The following RPTN variants were observed in gnomAD, a reference collection of about 807,000 sequenced individuals.
The protein encoded by RPTN is repetin, also known as intermediate filament-associated protein.
Under a neutral mutation model 3.6 loss-of-function variants are expected in RPTN, and 4 were observed. That is an observed-to-expected ratio of 1.12 (90% CI 0.55 to 2.55). The LOEUF (loss-of-function observed/expected upper bound fraction) is 2.55, where lower values mean the gene tolerates loss of function less well. Ranked by LOEUF, RPTN falls within the 30% of genes most tolerant of loss-of-function variation. The probability of loss-of-function intolerance (pLI) is 0.02; values close to 1 mark genes in which losing one functional copy is unlikely to be tolerated. For synonymous variants in RPTN, 293 were observed against 319.3 expected (o/e 0.92, Z 0.88); for missense variants, 860 against 916.7 (o/e 0.94, Z 0.80).
chr1:152,155,414 G>C lies in RPTN; in HGVS notation c.1685C>G (p.Thr562Arg), dbSNP rs764063744. 1.9e-6 allele frequency: 3 copies of C among 1,613,812 alleles called. No individual in the cohort carries two copies. Among genetic ancestry groups the C allele is most frequent in the South Asian group, 1.1e-5 (1 of 91,032 alleles). The change falls in exon 3 of 3, where the codon ACA (threonine) becomes AGA (arginine). Residue 562 changes from threonine (T) to arginine (R), a missense_variant. Thr to Arg is a moderately conservative substitution (Grantham distance 71). Transcript: ENST00000316073. The part of the protein sequence containing the change: ...RQGQSSHYGQ[T>R]DRQGQSYHYG... ...ATGATAGCTCTGGCCTTGTCTGTCT[G>C]TCTGACCGTAGTGGGAACTCTGGCC...
In RPTN at chr1:152,155,355, G is replaced by A; in HGVS notation, c.1744C>T (p.His582Tyr). ...TCCCCAGTCTGTGATTGAATATAGT[G>A]GGAACTCTGGCCTTGTCTGTCTGTC... is the stretch of plus-strand genomic sequence containing the variant. ...GQTDRQGQSS[H>Y]YIQSQTGEIQ... The change falls in exon 3 of 3, where the codon CAC becomes TAC. Residue 582 changes from histidine to tyrosine, a missense_variant. Physicochemically the swap from His to Tyr is moderately conservative, Grantham distance 83. Transcript: ENST00000316073. The A allele has an allele frequency of 6.2e-7, 1 of 1,614,152 alleles. No individual in the cohort carries two copies.
Position 152,155,963 on chromosome 1 carries a change from T to C in RPTN, c.1136A>G (p.Tyr379Cys), listed in dbSNP as rs1265941012. ...CTGATCTTGTGTGTCTGGCTGACCA[T>C]AGTGGGAACTCTGACCTTGTCTGTT... Reference protein sequence around the residue: ...QPNRQGQSSHYGQPDTQDQSS... With the variant: ...QPNRQGQSSHCGQPDTQDQSS... The change falls in exon 3 of 3, where the codon TAT becomes TGT. Residue 379 changes from tyrosine to cysteine, a missense_variant. Coordinates refer to ENST00000316073, the MANE Select transcript of RPTN (RefSeq NM_001122965.1). 1.9e-6 allele frequency: 3 copies of C among 1,613,636 alleles called. No homozygotes were observed. The African/African-American group carries it at 4.0e-5, about 22-fold the overall frequency.
chr1:152,155,478 G>T lies in RPTN; in HGVS notation c.1621C>A (p.Gln541Lys). Reference protein sequence around the residue: ...QSSHYSQMDRQGQSSHYGQTD... With the variant: ...QSSHYSQMDRKGQSSHYGQTD... ...TGACCATAGTGGGAACTCTGGCCTTGTCTGTCCATCTGACTGTAGTGGGAA... is the reference window on the plus strand; with the variant it reads ...TGACCATAGTGGGAACTCTGGCCTTTTCTGTCCATCTGACTGTAGTGGGAA... Residue 541 changes from glutamine (Q) to lysine (K), a missense_variant, in exon 3 of 3, where the codon CAA becomes AAA. Coordinates refer to ENST00000316073, the MANE Select transcript of RPTN (RefSeq NM_001122965.1). The T allele has an allele frequency of 6.2e-7, 1 of 1,609,608 alleles. No homozygotes were observed. Among genetic ancestry groups the T allele is most frequent in the Non-Finnish European group, 8.5e-7 (1 of 1,178,050 alleles).
rs1376695441 is a variant in RPTN, at chr1:152,156,808, C to A, written c.291G>T (p.Arg97Ser). Residue 97 changes from arginine (R) to serine (S), a missense_variant, in exon 3 of 3, where the codon AGG becomes AGT. Transcript: ENST00000316073. ...CCTGCCCCCTTTCTTGCTGTGAGGT[C>A]CTGCCTCCATGTGACTTATTGTCTA... ...HKLDNKSHGGRTSQQERGQEG... is the reference protein window; with the variant it reads ...HKLDNKSHGGSTSQQERGQEG... The A allele has an allele frequency of 1.2e-6, 2 of 1,614,042 alleles. No individual in the cohort carries two copies. Among genetic ancestry groups the A allele is most frequent in the Non-Finnish European group, 8.5e-7 (1 of 1,180,028 alleles).
chr1:152,156,078 A>T lies in RPTN; in HGVS notation c.1021T>A (p.Ser341Thr). 6.2e-7 allele frequency: 1 copy of T among 1,613,022 alleles called. No individual in the cohort carries two copies. Among genetic ancestry groups the T allele is most frequent in the Non-Finnish European group, 8.5e-7 (1 of 1,179,896 alleles). The stretch of plus-strand genomic sequence containing the variant: ...TTTCTGTCCATTTGACCATAGTGGG[A>T]ACTCTGACCTTGTCTGTCTGGCTGA... The part of the protein sequence containing the change: ...YSQPDRQGQS[S>T]HYGQMDRKGQ... Residue 341 changes from serine to threonine, a missense_variant, in exon 3 of 3, where the codon TCC becomes ACC. Transcript: ENST00000316073.
At position 152,153,765 on chromosome 1, in the gene RPTN, A is replaced by T. The variant is rs1659137576; in HGVS notation, c.*979T>A. On this transcript the variant is annotated 3_prime_UTR_variant, in exon 3 of 3. Coordinates refer to ENST00000316073, the MANE Select transcript of RPTN (RefSeq NM_001122965.1). ...TCTTTATTTTATATAATCAGAAACTAGAAAGGTATTGAATTGGAATGGGTC... is the reference window on the plus strand; with the variant it reads ...TCTTTATTTTATATAATCAGAAACTTGAAAGGTATTGAATTGGAATGGGTC... 6.6e-6 allele frequency: 1 copy of T among 152,374 alleles called. No homozygotes were observed. The highest frequency in any genetic ancestry group is 1.5e-5 in the Non-Finnish European group (1 of 68,040). The allele number at this position is 152,374 out of a possible 1,614,324, so 9.4% of individuals were successfully genotyped here. A position where few individuals can be genotyped will look rare whatever the true frequency, so the allele number is the denominator to read the frequency against.
Position 152,156,786 on chromosome 1 carries a change from G to GTGGAAGGT in RPTN, c.312_313insACCTTCCA (p.Gln105ThrfsTer109). On this transcript the variant is annotated frameshift_variant, in exon 3 of 3. Coordinates refer to ENST00000316073, the MANE Select transcript of RPTN (RefSeq NM_001122965.1). LOFTEE classifies it low-confidence loss of function (END_TRUNC). ...AACTTACAGTCTTGTGCTCCTTCCT[G>GTGGAAGGT]CCCCCTTTCTTGCTGTGAGGTCCTG... 3.1e-6 allele frequency: 5 copies of GTGGAAGGT among 1,614,094 alleles called. No homozygotes were observed. Among genetic ancestry groups the GTGGAAGGT allele is most frequent in the Non-Finnish European group, 4.2e-6 (5 of 1,180,026 alleles).
In RPTN at chr1:152,156,893, A is replaced by G. The variant is rs766670202; in HGVS notation, c.206T>C (p.Ile69Thr). 1.2e-6 allele frequency: 2 copies of G among 1,614,040 alleles called. No individual in the cohort carries two copies. The highest frequency in any genetic ancestry group is 1.7e-5 in the Admixed American group (1 of 60,000). ...NLLDQDRDGHIDFHEYLLLVF... is the reference protein window; with the variant it reads ...NLLDQDRDGHTDFHEYLLLVF... ...CAACAAGAGGTACTCATGAAAATCA[A>G]TATGTCCATCTCGGTCTTGATCTAA... Residue 69 changes from isoleucine to threonine, a missense_variant, in exon 3 of 3, where the codon ATT (isoleucine) becomes ACT (threonine). Transcript: ENST00000316073.
chr1:152,157,034 C>T, intron 2 of RPTN, 74 bp from the exon 3 acceptor site: 34 of 1,320,930 alleles, frequency 2.6e-5, no homozygotes, highest in Non-Finnish European at 3.5e-5. Flanking sequence ...AGTGTTCATG[C>T]CCCAATCCAT....
Position 152,156,511 on chromosome 1 carries a change from C to G in RPTN, c.588G>C (p.Gln196His). The G allele has an allele frequency of 6.2e-7, 1 of 1,614,230 alleles. No individual in the cohort carries two copies. The highest frequency in any genetic ancestry group is 8.5e-7 in the Non-Finnish European group (1 of 1,180,042). The change falls in exon 3 of 3, where the codon CAG becomes CAC. Residue 196 changes from glutamine to histidine, a missense_variant. Transcript: ENST00000316073. ...TGGAGTCTTGACTTTGTCTCTCTGA[C>G]TGATCAAAGCTGAAATCCTTGTCTT... ...ERQDKDFSFD[Q>H]SERQSQDSSS...
At chr1:152,158,414 AG>A (rs1339050642) in intron 1 of RPTN, among the ~76,000 whole-genome samples, 1 of 152,194 alleles carries the variant, frequency 6.6e-6, no homozygotes, top group African/African-American at 2.4e-5. Context: ...TCACGGTCTA[AG>A]GAAGCTTTCT....
Position 152,156,248 on chromosome 1 carries a change from C to T in RPTN, c.851G>A (p.Gly284Asp). The T allele has an allele frequency of 6.2e-7, 1 of 1,614,214 alleles. No individual in the cohort carries two copies. Among genetic ancestry groups the T allele is most frequent in the Non-Finnish European group, 8.5e-7 (1 of 1,180,042 alleles). Residue 284 changes from glycine (G) to aspartate (D), a missense_variant, in exon 3 of 3, where the codon GGT becomes GAT. Coordinates refer to ENST00000316073, the MANE Select transcript of RPTN (RefSeq NM_001122965.1). ...SERLGQELGCGQTDRQGQSSH... is the reference protein window; with the variant it reads ...SERLGQELGCDQTDRQGQSSH... ...ACTCTGGCCTTGTCTGTCTGTCTGACCACAGCCTAATTCCTGACCTAGCCT... is the reference window on the plus strand; with the variant it reads ...ACTCTGGCCTTGTCTGTCTGTCTGATCACAGCCTAATTCCTGACCTAGCCT...
At position 152,153,804 on chromosome 1, in the gene RPTN, T is replaced by C. The variant is rs971438093; in HGVS notation, c.*940A>G. The C allele has an allele frequency of 6.6e-6, 1 of 152,410 alleles. No individual in the cohort carries two copies. The highest frequency in any genetic ancestry group is 6.5e-5 in the Admixed American group (1 of 15,276). The allele number at this position is 152,410 out of a possible 1,614,324, so 9.4% of individuals were successfully genotyped here. ...TTGGAATGGGTCCATTCAGCTCTAG[T>C]GATAGGCACTAATGGACAGTCCCTC... On this transcript the variant is annotated 3_prime_UTR_variant, in exon 3 of 3. Transcript: ENST00000316073.
chr1:152,159,120 G>C (rs1218985591), intron 1 of RPTN, 64 bp downstream of exon 1: 1 of 152,646 alleles, frequency 6.6e-6, no homozygotes, highest in African/African-American at 2.4e-5. Context: ...TCCCCAGCCT[G>C]GTGCATTATA....
At chr1:152,159,069 G>A (rs1192171064) in intron 1 of RPTN, 115 bp downstream of exon 1, 1 of 152,658 alleles carries the variant, frequency 6.6e-6, no homozygotes, top group Non-Finnish European at 1.5e-5. Context: ...GGAAGCAGAA[G>A]GTAACCAAAG....
In RPTN at chr1:152,154,639, T is replaced by C. The variant is rs1659153522; in HGVS notation, c.*105A>G. The stretch of plus-strand genomic sequence containing the variant: ...TGTTAGGACAGCTTCTGTGGGTCAC[T>C]TGGGATTTTTGATTCTGAGATCCTT... On this transcript the variant is annotated 3_prime_UTR_variant, in exon 3 of 3. Transcript: ENST00000316073. The C allele has an allele frequency of 4.1e-6, 6 of 1,471,604 alleles. No homozygotes were observed. The East Asian group carries it at 1.4e-4, about 33-fold the overall frequency. 91.2% of individuals were successfully genotyped at this position (1,471,604 alleles called of 1,614,324 possible). A position where few individuals can be genotyped will look rare whatever the true frequency, so the allele number is the denominator to read the frequency against.
In RPTN at chr1:152,157,742, T is replaced by C. The variant is rs781437451; in HGVS notation, c.138+10A>G. 5.6e-6 allele frequency: 9 copies of C among 1,613,670 alleles called. No homozygotes were observed. In the Admixed American group the frequency reaches 1.5e-4, roughly 27 times the overall value. Reference sequence around the variant, plus strand: ...TTGATCTCATGGGGCTGTGTGTCTGTGTATCTTACCTGGAGGATGTCTCCA... The same window carrying C: ...TTGATCTCATGGGGCTGTGTGTCTGCGTATCTTACCTGGAGGATGTCTCCA... On this transcript the variant is annotated intron_variant, in intron 2 of 2. Transcript: ENST00000316073.
intron 1 of RPTN, among the ~76,000 whole-genome samples, 167 bp downstream of exon 1, chr1:152,159,017 C>T (rs1375554206): frequency 6.6e-6 from 1 of 152,148 alleles, no homozygotes; most frequent in Non-Finnish European, 1.5e-5. Flanking sequence ...CAGAAGTAGT[C>T]CACCCCAGCT....
chr1:152,156,010 C>T lies in RPTN; in HGVS notation c.1089G>A (p.Gln363=), dbSNP rs1206441707. 1.2e-6 allele frequency: 2 copies of T among 1,613,692 alleles called. No individual in the cohort carries two copies. The highest frequency in any genetic ancestry group is 1.1e-5 in the South Asian group (1 of 91,080). The change falls in exon 3 of 3, where the codon CAG becomes CAA. Residue 363 remains glutamine, a synonymous_variant. Coordinates refer to ENST00000316073, the MANE Select transcript of RPTN (RefSeq NM_001122965.1). ...TGTTTGGTTGACTGTAGTGGGAACC[C>T]TGGCCTTGTCTGTTTGTCTGATCAT... ...YHYDQTNRQG[Q]GSHYSQPNRQ...
Sources: gnomAD v4.1 joint callset for allele counts (sites outside exome capture counted in the v4.1 genomes callset) on GRCh38, gnomAD v4.1.1 for gene constraint, MANE v1.5 for transcripts, NCBI Gene and HGNC (gene_info 2026-07-23, HGNC 2026-07-21) for gene names.